Variants in PCDHA5 observed in about 807,000 individuals in gnomAD.
PCDHA5 encodes the protein protocadherin alpha 5, also known as protocadherin alpha-5.
In PCDHA5, 43 loss-of-function variants were observed where a neutral mutation model predicts 61.6. The ratio of observed to expected loss-of-function variants is 0.70; its 90% confidence interval spans 0.55 to 0.90. The LOEUF is 0.90. Among genes scored for constraint, PCDHA5 ranks in the 40% least tolerant of loss-of-function variants. PCDHA5 has a pLI of 0.00. For synonymous variants in PCDHA5, 627 were observed against 543.9 expected (o/e 1.15, Z -2.13); for missense variants, 1,298 against 1,222.7 (o/e 1.06, Z -0.92).
chr5:140,970,286 C>A (rs2096395973), intron 1 of PCDHA5, among the ~76,000 whole-genome samples: 2 of 152,174 alleles, frequency 1.3e-5, no homozygotes, highest in Admixed American at 6.5e-5. Context: ...GTAGCCTTTT[C>A]AAGTCCTTCA....
At chr5:140,989,890 G>A (rs368567650) in intron 3 of PCDHA5, among the ~76,000 whole-genome samples, 5 of 151,974 alleles carry the variant, frequency 3.3e-5, no homozygotes, top group Middle Eastern at 3.4e-3. Context: ...TGGAGTCTCC[G>A]TTATTCACAA....
intron 1 of PCDHA5, chr5:140,850,445 G>A: frequency 6.3e-7 from 1 of 1,597,998 alleles, no homozygotes; most frequent in Non-Finnish European, 8.6e-7. Context: ...TACTGGTGCT[G>A]GTGAAAGACC....
At chr5:140,838,555 C>T (rs1775778485) in intron 1 of PCDHA5, among the ~76,000 whole-genome samples, 1 of 151,794 alleles carries the variant, frequency 6.6e-6, no homozygotes, top group Non-Finnish European at 1.5e-5. Flanking sequence ...ATTTATTCAT[C>T]CAGTACTGTA....
At chr5:140,898,306 G>A (rs192633483) in intron 1 of PCDHA5, among the ~76,000 whole-genome samples, 25 of 152,228 alleles carry the variant, frequency 1.6e-4, no homozygotes, top group Non-Finnish European at 3.1e-4. Flanking sequence ...TTTCTTCTAG[G>A]GTTTTTATGG....
At chr5:140,850,606 T>G (rs2150490821) in intron 1 of PCDHA5, 6 of 1,598,534 alleles carry the variant, frequency 3.8e-6, no homozygotes, top group Non-Finnish European at 5.1e-6. Flanking sequence ...ATCATCGCCA[T>G]CTGCGCGGTG....
chr5:140,849,747 G>A (rs2150448012), intron 1 of PCDHA5: 2 of 1,598,328 alleles, frequency 1.3e-6, no homozygotes, highest in South Asian at 1.1e-5. Flanking sequence ...CCGCGAGAGT[G>A]TGTCCGCCTA....
intron 1 of PCDHA5, chr5:140,877,758 G>A (rs782480713): frequency 1.2e-6 from 2 of 1,614,190 alleles, no homozygotes; most frequent in Non-Finnish European, 1.7e-6. Flanking sequence ...GCTCTGCAGA[G>A]AGCCCGCCCA....
chr5:140,968,761 T>C (rs782432205), intron 1 of PCDHA5: 1 of 1,614,140 alleles, frequency 6.2e-7, no homozygotes, highest in South Asian at 1.1e-5. Flanking sequence ...TCCGAGATAA[T>C]GGAGAGCCAT....
At chr5:140,968,992 T>C in intron 1 of PCDHA5, 1 of 1,614,220 alleles carries the variant, frequency 6.2e-7, no homozygotes, top group Non-Finnish European at 8.5e-7. Flanking sequence ...CTGCATGCTG[T>C]GGAGGCTTCT....
At chr5:140,895,143 A>C (rs115893558) in intron 1 of PCDHA5, among the ~76,000 whole-genome samples, 3,577 of 152,272 alleles carry the variant, frequency 0.023, 51 homozygotes, top group Middle Eastern at 0.034. Flanking sequence ...CATAGGGCTA[A>C]GACAGGTTTA....
rs1580998752 is a variant in PCDHA5 at position 140,842,398 on chromosome 5, A to G, written c.2352+18271A>G. 3.1e-6 allele frequency: 5 copies of G among 1,611,514 alleles called. No individual in the cohort carries two copies. The African/African-American group carries it at 6.7e-5, about 22-fold the overall frequency. On this transcript the variant is annotated intron_variant, in intron 1 of 3. Coordinates refer to ENST00000529859, the MANE Select transcript of PCDHA5 (RefSeq NM_018908.3). ...CACTGACTTCCTTATCCTTGCCTGTACGTGAAGACGCTCAATTTGGTACTG... is the reference window on the plus strand; with the variant it reads ...CACTGACTTCCTTATCCTTGCCTGTGCGTGAAGACGCTCAATTTGGTACTG...
At chr5:140,911,564 C>A (rs1036102678) in intron 1 of PCDHA5, among the ~76,000 whole-genome samples, 2 of 152,226 alleles carry the variant, frequency 1.3e-5, no homozygotes, top group African/African-American at 4.8e-5. Flanking sequence ...TCTTTCATCA[C>A]TTTGTCCAGT....
In PCDHA5 at chr5:140,869,909, G is replaced by A. The variant is rs781996593; in HGVS notation, c.2352+45782G>A. ...GTGCTCAAACTAAACGCCACAGACCGAGACGAAGGAGTCAATGGAGAGGTA... is the reference window on the plus strand; with the variant it reads ...GTGCTCAAACTAAACGCCACAGACCAAGACGAAGGAGTCAATGGAGAGGTA... On this transcript the variant is annotated intron_variant, in intron 1 of 3. Transcript: ENST00000529859. 2.6e-5 allele frequency: 42 copies of A among 1,610,632 alleles called. No individual in the cohort carries two copies. Among genetic ancestry groups the A allele is most frequent in the Non-Finnish European group, 3.1e-5 (36 of 1,178,298 alleles).
chr5:140,882,958 C>T (rs1582656438), intron 1 of PCDHA5: 1 of 1,614,040 alleles, frequency 6.2e-7, no homozygotes, highest in Non-Finnish European at 8.5e-7. Flanking sequence ...AGCTGCTCAT[C>T]ACGATTCTGG....
At chr5:140,930,644 A>G (rs1346561903) in intron 1 of PCDHA5, among the ~76,000 whole-genome samples, 1 of 152,198 alleles carries the variant, frequency 6.6e-6, no homozygotes, top group East Asian at 1.9e-4. Context: ...AGGAAGGAAA[A>G]TGAAGCATTC....
At chr5:140,967,435 C>T (rs949116832) in intron 1 of PCDHA5, 1 of 1,613,532 alleles carries the variant, frequency 6.2e-7, no homozygotes, top group Non-Finnish European at 8.5e-7. Flanking sequence ...CAGCCTTGCA[C>T]CACCTGGTTC....
In PCDHA5 at chr5:140,882,158, C is replaced by T. The variant is rs2058980027; in HGVS notation, c.2352+58031C>T. ...GAAAATATAGCAGAAAGCGGAATAC[C>T]TCTTGCGAATCCTTCCGCACTAGGA... On this transcript the variant is annotated intron_variant, in intron 1 of 3. Coordinates refer to ENST00000529859, the MANE Select transcript of PCDHA5 (RefSeq NM_018908.3). The T allele has an allele frequency of 4.6e-6, 7 of 1,507,380 alleles. No homozygotes were observed. The South Asian group carries it at 8.2e-5, about 18-fold the overall frequency. 93.4% of individuals were successfully genotyped at this position (1,507,380 alleles called of 1,614,324 possible). A position where few individuals can be genotyped will look rare whatever the true frequency, so the allele number is the denominator to read the frequency against.
At chr5:140,981,666 C>CT (rs1430989347) in intron 2 of PCDHA5, among the ~76,000 whole-genome samples, 8 of 152,058 alleles carry the variant, frequency 5.3e-5, no homozygotes, top group Non-Finnish European at 1.0e-4. Flanking sequence ...TTCTTCCTTC[C>CT]TTTCTTCCTT....
intron 1 of PCDHA5, chr5:140,867,192 C>T (rs2049812222): frequency 1.3e-5 from 2 of 152,080 alleles, no homozygotes; most frequent in African/African-American, 4.8e-5. Flanking sequence ...CGCAAGACTC[C>T]ACATTCCATG....
Sources: allele counts gnomAD v4.1 joint callset (sites outside exome capture counted in the v4.1 genomes callset), GRCh38; gene constraint gnomAD v4.1.1; transcripts MANE v1.5; gene names NCBI Gene and HGNC (gene_info 2026-07-23, HGNC 2026-07-21).